The following PARD3B variants were observed in gnomAD, a reference collection of about 807,000 sequenced individuals.
PARD3B encodes the protein partitioning defective 3 homolog B.
Under a neutral mutation model 130.2 loss-of-function variants are expected in PARD3B, and 103 were observed. The observed-to-expected ratio is 0.79, with a 90% CI of 0.67 to 0.93. PARD3B has a LOEUF of 0.93. PARD3B is among the 40% of genes least tolerant of loss of function. The pLI is 0.00. For synonymous variants in PARD3B, 583 were observed against 553.2 expected (o/e 1.05, Z -0.76); for missense variants, 1,609 against 1,499.2 (o/e 1.07, Z -1.21).
intron 16 of PARD3B, among the ~76,000 whole-genome samples, chr2:205,275,941 G>A (rs1559612708): frequency 1.3e-5 from 2 of 150,944 alleles, no homozygotes; most frequent in Non-Finnish European, 2.9e-5. Context: ...TTGTTCAAAT[G>A]CTAATACAGG....
At chr2:204,547,445 G>A (rs1476945945) in intron 1 of PARD3B, among the ~76,000 whole-genome samples, 1 of 152,146 alleles carries the variant, frequency 6.6e-6, no homozygotes, top group African/African-American at 2.4e-5. Context: ...GGTTTATAAA[G>A]CTGTGTGAAA....
At chr2:205,151,324 T>G (rs1460323117) in intron 10 of PARD3B, among the ~76,000 whole-genome samples, 1 of 152,194 alleles carries the variant, frequency 6.6e-6, no homozygotes, top group East Asian at 1.9e-4. Flanking sequence ...CCTTGTTAAC[T>G]TTCTGTCTCA....
At chr2:204,616,427 C>A (rs564704279) in intron 1 of PARD3B, among the ~76,000 whole-genome samples, 2 of 152,252 alleles carry the variant, frequency 1.3e-5, no homozygotes, top group Admixed American at 1.3e-4. Context: ...GTTACTACTG[C>A]ACATCTATTA....
intron 16 of PARD3B, among the ~76,000 whole-genome samples, chr2:205,289,798 A>T (rs2041535102): frequency 1.3e-5 from 2 of 152,134 alleles, no homozygotes. Context: ...TGTATTATAA[A>T]AGCTAGTTTG....
chr2:205,091,663 C>T lies in PARD3B; in HGVS notation c.505-12763C>T, dbSNP rs1702120231. Reference sequence around the variant, plus strand: ...CAGCTACATATCAGTTCTTATCTTACACTTGGAATGGGGGTGAGGTTAGAG... The same window carrying T: ...CAGCTACATATCAGTTCTTATCTTATACTTGGAATGGGGGTGAGGTTAGAG... On this transcript the variant is annotated intron_variant, in intron 4 of 22. Coordinates refer to ENST00000406610, the MANE Select transcript of PARD3B (RefSeq NM_001302769.2). This position sits in a 1 kb window ranked among gnomAD's most constrained non-coding sequence, Gnocchi z 4.2. Among the ~76,000 whole-genome samples the T allele has an allele frequency of 6.6e-6, 1 of 152,140 alleles. No homozygotes were observed. The highest frequency in any genetic ancestry group is 1.5e-5 in the Non-Finnish European group (1 of 68,018).
At chr2:205,370,125 T>A (rs907462) in intron 18 of PARD3B, among the ~76,000 whole-genome samples, 88,584 of 151,960 alleles carry the variant, frequency 0.58, 28,535 homozygotes, top group South Asian at 0.76. Context: ...AAGGCAGGAG[T>A]CACTTAGTCA....
intron 3 of PARD3B, among the ~76,000 whole-genome samples, chr2:205,023,097 T>A (rs1354969921): frequency 1.3e-5 from 2 of 152,196 alleles, no homozygotes; most frequent in Admixed American, 6.5e-5. Flanking sequence ...GTGCCTTTTC[T>A]ATGCCAAATC....
intron 2 of PARD3B, among the ~76,000 whole-genome samples, chr2:204,698,011 G>T (rs1251762140): frequency 1.3e-5 from 2 of 152,072 alleles, no homozygotes; most frequent in African/African-American, 4.8e-5. Flanking sequence ...CTGCCATCTA[G>T]CTTCCAACAA....
At chr2:205,354,818 A>G (rs2044133336) in intron 18 of PARD3B, among the ~76,000 whole-genome samples, 1 of 152,172 alleles carries the variant, frequency 6.6e-6, no homozygotes, top group Non-Finnish European at 1.5e-5. Context: ...TGAAGTTGAA[A>G]TGGGGAGGGA....
rs560678909 is a variant in PARD3B at position 204,985,956 on chromosome 2, C to T, written c.394+20633C>T. Among the ~76,000 whole-genome samples, 78 of 151,924 alleles carry T rather than the reference C, an allele frequency of 5.1e-4. No homozygotes were observed. The South Asian group carries it at 0.015, about 30-fold the overall frequency. ...CTCTACTAAAAATACAAAAAGTTAG[C>T]CGGGCGTGATGGCAGGCGCCTGTAG... On this transcript the variant is annotated intron_variant, in intron 3 of 22. Transcript: ENST00000406610.
At chr2:204,551,711 C>T (rs2030476722) in intron 1 of PARD3B, among the ~76,000 whole-genome samples, 1 of 152,174 alleles carries the variant, frequency 6.6e-6, no homozygotes, top group African/African-American at 2.4e-5. Flanking sequence ...GCTTGAGGCC[C>T]TGTGCTTAAT....
At chr2:204,897,502 A>AT (rs1408943233) in intron 2 of PARD3B, among the ~76,000 whole-genome samples, 1 of 149,044 alleles carries the variant, frequency 6.7e-6, no homozygotes, top group African/African-American at 2.5e-5. Flanking sequence ...AAACCTTTTC[A>AT]TTTGGAGATA....
chr2:205,250,564 A>C (rs555319464), intron 16 of PARD3B, among the ~76,000 whole-genome samples: 2 of 152,160 alleles, frequency 1.3e-5, no homozygotes, highest in Admixed American at 6.5e-5. Context: ...AGCTATTTCT[A>C]TGTGAGGCCA....
intron 1 of PARD3B, among the ~76,000 whole-genome samples, chr2:204,682,111 A>G (rs1270388489): frequency 6.6e-6 from 1 of 152,172 alleles, no homozygotes; most frequent in Non-Finnish European, 1.5e-5. Flanking sequence ...ACAAAAGGCC[A>G]TCCAGTCTCC....
chr2:204,810,696 T>C (rs2042933117), intron 2 of PARD3B, among the ~76,000 whole-genome samples: 1 of 152,192 alleles, frequency 6.6e-6, no homozygotes, highest in South Asian at 2.1e-4. Flanking sequence ...GATGTGTTGC[T>C]GGGTTCAGTT....
chr2:205,496,875 TG>T (rs1264815009), intron 20 of PARD3B, among the ~76,000 whole-genome samples: 3 of 151,992 alleles, frequency 2.0e-5, no homozygotes, highest in African/African-American at 7.2e-5. Flanking sequence ...TCAGTTTCTT[TG>T]GGGTAAACTA....
intron 12 of PARD3B, 55 bp downstream of exon 12, chr2:205,172,436 G>T: frequency 6.5e-7 from 1 of 1,537,366 alleles, no homozygotes; most frequent in Non-Finnish European, 8.9e-7. Flanking sequence ...ACCAGAATAT[G>T]CAGACTTCCA....
chr2:205,012,022 C>T (rs182181387), intron 3 of PARD3B, among the ~76,000 whole-genome samples: 2 of 152,174 alleles, frequency 1.3e-5, no homozygotes, highest in South Asian at 4.1e-4. Context: ...CAGCCCCACC[C>T]TGACCTTTTA....
chr2:204,944,429 G>A (rs1314330110), intron 2 of PARD3B, among the ~76,000 whole-genome samples: 1 of 152,154 alleles, frequency 6.6e-6, no homozygotes. Flanking sequence ...CCATCAAGCT[G>A]CAAGCTGGTA....
Sources: allele counts gnomAD v4.1 joint callset (sites outside exome capture counted in the v4.1 genomes callset), GRCh38; gene constraint gnomAD v4.1.1; non-coding constraint Gnocchi (gnomAD v3.1); transcripts MANE v1.5; gene names NCBI Gene and HGNC (gene_info 2026-07-23, HGNC 2026-07-21).